RAD50: variants seen among roughly 807,000 people sequenced by gnomAD.
RAD50 encodes the protein DNA repair protein RAD50.
A neutral mutation model predicts 168.8 loss-of-function variants in RAD50; 132 were observed. The observed-to-expected ratio is 0.78, with a 90% CI of 0.68 to 0.90. The LOEUF (loss-of-function observed/expected upper bound fraction) is 0.90. Among genes scored for constraint, RAD50 ranks in the 40% least tolerant of loss-of-function variants. RAD50 has a pLI of 0.00. For missense variants in RAD50, 1,347 were observed against 1,534.4 expected (o/e 0.88, Z 2.04); for synonymous variants, 525 against 497.4 (o/e 1.06, Z -0.74).
At chr5:132,635,702 A>G (rs1012976543) in intron 21 of RAD50, among the ~76,000 whole-genome samples, 1 of 152,228 alleles carries the variant, frequency 6.6e-6, no homozygotes, top group East Asian at 1.9e-4. Flanking sequence ...TTTAACTTGA[A>G]TGGAAAGATA....
Position 132,606,350 on chromosome 5 carries a change from C to A in RAD50, c.2718+1351C>A, listed in dbSNP as rs7706859. Reference sequence around the variant, plus strand: ...TCAGAGAATACTATAAACACCTCTACGCAAATAAACTAGAAAATAATAAAT... The same window carrying A: ...TCAGAGAATACTATAAACACCTCTAAGCAAATAAACTAGAAAATAATAAAT... On this transcript the variant is annotated intron_variant, in intron 16 of 24. Coordinates refer to ENST00000378823, the MANE Select transcript of RAD50 (RefSeq NM_005732.4). Among the ~76,000 whole-genome samples the A allele has an allele frequency of 2.6e-5, 4 of 152,188 alleles. No homozygotes were observed. In the South Asian group the frequency reaches 8.3e-4, roughly 32 times the overall value.
chr5:132,578,540 T>C (rs1750442212), intron 3 of RAD50, among the ~76,000 whole-genome samples: 1 of 145,224 alleles, frequency 6.9e-6, no homozygotes, highest in Non-Finnish European at 1.5e-5. Context: ...TTTTTTTTTT[T>C]TTTTTTTTGA....
chr5:132,600,133 G>A (rs1204132578), intron 13 of RAD50: 2 of 152,214 alleles, frequency 1.3e-5, no homozygotes, highest in Non-Finnish European at 2.9e-5. Flanking sequence ...GTCTACTGGA[G>A]TGCAGGTAAT....
In RAD50 at chr5:132,592,042, G is replaced by A. The variant is rs763658374; in HGVS notation, c.1793+8G>A. 2.2e-5 allele frequency: 36 copies of A among 1,605,430 alleles called. No homozygotes were observed. In the South Asian group the frequency reaches 3.2e-4, roughly 14 times the overall value. ...CAGACTTGCCAAATTGAAGTAAGTT[G>A]CAACATTTGGAGATGTAATAGAAAT... is the stretch of plus-strand genomic sequence containing the variant. On this transcript the variant is annotated splice_region_variant and intron_variant, in intron 11 of 24. Transcript: ENST00000378823.
intron 2 of RAD50, among the ~76,000 whole-genome samples, chr5:132,563,373 T>A (rs1022023504): frequency 2.0e-5 from 3 of 152,240 alleles, no homozygotes; most frequent in Admixed American, 6.5e-5. Context: ...GCAGATTATA[T>A]GATTGGAAAC....
chr5:132,589,983 C>A, intron 9 of RAD50, 146 bp downstream of exon 9: 1 of 806,190 alleles, frequency 1.2e-6, no homozygotes, highest in Non-Finnish European at 1.9e-6. Flanking sequence ...ATCTGAATAT[C>A]TTGATCTTCT....
intron 2 of RAD50, among the ~76,000 whole-genome samples, chr5:132,561,839 A>G (rs1310768431): frequency 6.6e-6 from 1 of 152,094 alleles, no homozygotes; most frequent in Non-Finnish European, 1.5e-5. Flanking sequence ...TACATAAGCA[A>G]TTCTTACCTA....
intron 2 of RAD50, among the ~76,000 whole-genome samples, chr5:132,564,140 A>G (rs895434760): frequency 6.6e-6 from 1 of 152,222 alleles, no homozygotes; most frequent in African/African-American, 2.4e-5. Context: ...CTATAAAGAT[A>G]GCTGAAAATG....
intron 8 of RAD50, 28 bp from the exon 9 acceptor site, chr5:132,589,603 A>G (rs754995100): frequency 1.3e-6 from 2 of 1,485,930 alleles, no homozygotes; most frequent in South Asian, 2.5e-5. Context: ...GTAAATTATT[A>G]ATGCTCATTC....
intron 2 of RAD50, among the ~76,000 whole-genome samples, chr5:132,569,803 T>G (rs1345034498): frequency 6.6e-6 from 1 of 152,088 alleles, no homozygotes; most frequent in Non-Finnish European, 1.5e-5. Flanking sequence ...TACACCAGAA[T>G]CAGTAGCAGA....
chr5:132,559,474 CCA>C, intron 2 of RAD50, 107 bp downstream of exon 2: 1 of 1,227,396 alleles, frequency 8.1e-7, no homozygotes, highest in Admixed American at 2.2e-5. Flanking sequence ...AAAGTCAGCC[CCA>C]CACAGTTTTA....
intron 2 of RAD50, among the ~76,000 whole-genome samples, chr5:132,574,218 T>G (rs972753555): frequency 6.6e-6 from 1 of 152,226 alleles, no homozygotes; most frequent in Admixed American, 6.5e-5. Flanking sequence ...TGCCTGGGCA[T>G]CCAGGTGTTT....
rs769337724 is a variant in RAD50 at position 132,609,227 on chromosome 5, ATTAT to A, written c.2922+25_2922+28del. 1.9e-6 allele frequency: 3 copies of A among 1,607,192 alleles called. No homozygotes were observed. Among genetic ancestry groups the A allele is most frequent in the Admixed American group, 1.7e-5 (1 of 59,582 alleles). ...ATAAGAAGGTAATTTAAAACTTAAA[ATTAT>A]TTATTTGATTGTATTTTTATTCATG... On this transcript the variant is annotated intron_variant, in intron 18 of 24. Coordinates refer to ENST00000378823, the MANE Select transcript of RAD50 (RefSeq NM_005732.4).
At chr5:132,639,511 GATGATTT>G (rs1290778927) in intron 23 of RAD50, among the ~76,000 whole-genome samples, 1 of 152,166 alleles carries the variant, frequency 6.6e-6, no homozygotes, top group Admixed American at 6.5e-5. Flanking sequence ...TACGTGCTTT[GATGATTT>G]TTAGTGGTAA....
At chr5:132,589,006 A>C (rs987085951) in intron 8 of RAD50, 126 bp downstream of exon 8, 52 of 1,034,202 alleles carry the variant, frequency 5.0e-5, no homozygotes, top group Non-Finnish European at 7.0e-5. Flanking sequence ...AAAATCTGCT[A>C]CAAGGCAGAA....
chr5:132,642,429 T>C lies in RAD50; in HGVS notation c.*65T>C, dbSNP rs1162911361. On this transcript the variant is annotated 3_prime_UTR_variant, in exon 25 of 25. Transcript: ENST00000378823. ...CAGAAAGTGTATAATAAGAAACTTA[T>C]TTCTCATATCAACTTAGTCAATAAG... The C allele has an allele frequency of 7.3e-7, 1 of 1,378,822 alleles. No individual in the cohort carries two copies. The highest frequency in any genetic ancestry group is 1.0e-6 in the Non-Finnish European group (1 of 981,392). 85.4% of individuals were successfully genotyped at this position (1,378,822 alleles called of 1,614,324 possible). A position where few individuals can be genotyped will look rare whatever the true frequency, so the allele number is the denominator to read the frequency against.
chr5:132,604,048 T>A lies in RAD50; in HGVS notation c.2524+2T>A. The A allele has an allele frequency of 6.2e-7, 1 of 1,613,316 alleles. No homozygotes were observed. The highest frequency in any genetic ancestry group is 8.5e-7 in the Non-Finnish European group (1 of 1,179,486). Reference sequence around the variant, plus strand: ...AGAAACAGCACAAGTTAGACACAGGTAATACAGTCTGTGTCCTTCTGTACT... The same window carrying A: ...AGAAACAGCACAAGTTAGACACAGGAAATACAGTCTGTGTCCTTCTGTACT... On this transcript the variant is annotated splice_donor_variant, in intron 15 of 24. Coordinates refer to ENST00000378823, the MANE Select transcript of RAD50 (RefSeq NM_005732.4). LOFTEE classifies it high-confidence loss of function.
intron 21 of RAD50, among the ~76,000 whole-genome samples, chr5:132,626,607 G>C (rs568331173): frequency 6.6e-6 from 1 of 152,214 alleles, no homozygotes; most frequent in African/African-American, 2.4e-5. Context: ...TAGCACTAAA[G>C]AACTAAATTC....
At chr5:132,610,802 C>T (rs539830896) in intron 19 of RAD50, among the ~76,000 whole-genome samples, 3 of 152,202 alleles carry the variant, frequency 2.0e-5, no homozygotes, top group South Asian at 2.1e-4. Context: ...TCTGTAAATT[C>T]GCAGCAGCTC....
Sources: allele counts gnomAD v4.1 joint callset (sites outside exome capture counted in the v4.1 genomes callset), GRCh38; gene constraint gnomAD v4.1.1; transcripts MANE v1.5; gene names NCBI Gene and HGNC (gene_info 2026-07-23, HGNC 2026-07-21).